The following PPP1R14C variants were observed in gnomAD, a reference collection of about 807,000 sequenced individuals.
The protein encoded by PPP1R14C is protein phosphatase 1 regulatory subunit 14C.
Under a neutral mutation model 20.4 loss-of-function variants are expected in PPP1R14C, and 16 were observed. The observed-to-expected ratio is 0.78, with a 90% CI of 0.53 to 1.19. The LOEUF is 1.19. Ranked by LOEUF, PPP1R14C falls within the 50% of genes most tolerant of loss-of-function variation. The pLI, the probability that PPP1R14C is intolerant of heterozygous loss-of-function variation, is 0.00. For missense variants in PPP1R14C, 211 were observed against 220.1 expected (o/e 0.96, Z 0.26); for synonymous variants, 91 against 91.0 (o/e 1.00, Z 0.00).
chr6:150,179,798 C>T (rs575247475), intron 1 of PPP1R14C, among the ~76,000 whole-genome samples: 59 of 152,314 alleles, frequency 3.9e-4, no homozygotes, highest in African/African-American at 1.3e-3. Context: ...AACTCTGCCA[C>T]ATTACTGACT....
chr6:150,173,118 T>C (rs1777517004), intron 1 of PPP1R14C, among the ~76,000 whole-genome samples: 1 of 152,164 alleles, frequency 6.6e-6, no homozygotes. Flanking sequence ...TCCTCCAATG[T>C]TGACATTTTC....
intron 1 of PPP1R14C, among the ~76,000 whole-genome samples, chr6:150,178,810 G>T (rs910447699): frequency 2.0e-5 from 3 of 152,150 alleles, no homozygotes; most frequent in African/African-American, 7.2e-5. Flanking sequence ...AAACATCTAG[G>T]TGTAGATTTT....
intron 1 of PPP1R14C, among the ~76,000 whole-genome samples, chr6:150,159,616 T>C (rs1343351638): frequency 1.7e-5 from 1 of 58,470 alleles, no homozygotes; most frequent in African/African-American, 8.2e-5. Flanking sequence ...TGCCAGGCAT[T>C]CTTTTTTTTT....
intron 1 of PPP1R14C, among the ~76,000 whole-genome samples, chr6:150,168,525 TC>T (rs201831006): frequency 0.01 from 959 of 92,828 alleles, 26 homozygotes; most frequent in Admixed American, 0.076. Flanking sequence ...AGAGCGAGAC[TC>T]CCGTCTCAAC....
At chr6:150,147,200 G>C (rs1379528504) in intron 1 of PPP1R14C, among the ~76,000 whole-genome samples, 2 of 145,686 alleles carry the variant, frequency 1.4e-5, no homozygotes, top group East Asian at 4.1e-4. Flanking sequence ...GTTTTTTTGA[G>C]ATGAAGTCTT....
intron 3 of PPP1R14C, among the ~76,000 whole-genome samples, chr6:150,242,708 T>C (rs1488385349): frequency 2.0e-5 from 3 of 152,208 alleles, no homozygotes; most frequent in African/African-American, 7.2e-5. Context: ...TTTTAGCCAG[T>C]ACAGTTAGGC....
At chr6:150,152,418 C>G (rs1380529237) in intron 1 of PPP1R14C, among the ~76,000 whole-genome samples, 1 of 152,154 alleles carries the variant, frequency 6.6e-6, no homozygotes, top group African/African-American at 2.4e-5. Flanking sequence ...TTCCGCACAG[C>G]CTTCAGGATA....
At chr6:150,202,040 A>C (rs1386303210) in intron 1 of PPP1R14C, among the ~76,000 whole-genome samples, 1 of 152,200 alleles carries the variant, frequency 6.6e-6, no homozygotes, top group Non-Finnish European at 1.5e-5. Flanking sequence ...GACTGGCCTC[A>C]TTCCCTAAGA....
intron 1 of PPP1R14C, among the ~76,000 whole-genome samples, chr6:150,190,328 TC>T (rs1445163679): frequency 1.3e-5 from 2 of 151,844 alleles, no homozygotes; most frequent in African/African-American, 4.8e-5. Flanking sequence ...CCCACTTTTC[TC>T]CACGGCACTT....
chr6:150,175,129 A>G (rs891035468), intron 1 of PPP1R14C, among the ~76,000 whole-genome samples: 3 of 152,186 alleles, frequency 2.0e-5, no homozygotes, highest in African/African-American at 7.2e-5. Context: ...TAGCTCACAT[A>G]GTGCTTATTA....
At position 150,144,115 on chromosome 6, in the gene PPP1R14C, G is replaced by A. The variant is rs1445710570; in HGVS notation, c.306+617G>A. ...CTGCATTATCAGAGCTGCACACGTT[G>A]TGCTTTGTTGAAGCCGTAGTTTTTC... On this transcript the variant is annotated intron_variant, in intron 1 of 3. Coordinates refer to ENST00000361131, the MANE Select transcript of PPP1R14C (RefSeq NM_030949.3). Among the ~76,000 whole-genome samples the A allele has an allele frequency of 3.3e-5, 5 of 152,234 alleles. 1 individual carries two copies. The highest frequency in any genetic ancestry group is 7.3e-5 in the Non-Finnish European group (5 of 68,042).
chr6:150,234,721 C>T (rs1294838340), intron 3 of PPP1R14C, among the ~76,000 whole-genome samples: 2 of 151,710 alleles, frequency 1.3e-5, no homozygotes, highest in African/African-American at 2.4e-5. Flanking sequence ...TGGTGGTGCA[C>T]ACCTGTAGTC....
At chr6:150,231,556 G>A (rs934459446) in intron 3 of PPP1R14C, among the ~76,000 whole-genome samples, 3 of 152,118 alleles carry the variant, frequency 2.0e-5, no homozygotes, top group Admixed American at 6.6e-5. Flanking sequence ...AGAGTTACAG[G>A]AATTAATCAG....
chr6:150,158,042 G>A (rs1048541972), intron 1 of PPP1R14C, among the ~76,000 whole-genome samples: 1 of 152,186 alleles, frequency 6.6e-6, no homozygotes, highest in Admixed American at 6.5e-5. Context: ...TGAGCAGGCT[G>A]CCCACTACCT....
intron 1 of PPP1R14C, among the ~76,000 whole-genome samples, chr6:150,165,654 T>C (rs1777414516): frequency 1.3e-5 from 2 of 152,244 alleles, no homozygotes; most frequent in Non-Finnish European, 2.9e-5. Context: ...AAACACTCAG[T>C]GCAAGGAGGG....
chr6:150,210,592 G>C (rs931773795), intron 1 of PPP1R14C, among the ~76,000 whole-genome samples: 2 of 152,198 alleles, frequency 1.3e-5, no homozygotes, highest in African/African-American at 4.8e-5. Flanking sequence ...AGTCTCTGCA[G>C]GACAAGGGGA....
chr6:150,241,359 C>T (rs1778429052), intron 3 of PPP1R14C, among the ~76,000 whole-genome samples: 1 of 152,182 alleles, frequency 6.6e-6, no homozygotes, highest in Admixed American at 6.5e-5. Context: ...TCCTTTATCA[C>T]ATCCTTTATT....
intron 1 of PPP1R14C, among the ~76,000 whole-genome samples, chr6:150,145,718 G>A (rs761261258): frequency 6.6e-6 from 1 of 152,172 alleles, no homozygotes; most frequent in Admixed American, 6.5e-5. Flanking sequence ...TCATGCATAC[G>A]AAGATTAGGA....
chr6:150,150,418 C>T (rs1427391211), intron 1 of PPP1R14C, among the ~76,000 whole-genome samples: 1 of 152,124 alleles, frequency 6.6e-6, no homozygotes, highest in East Asian at 1.9e-4. Context: ...TACACTAGTT[C>T]TGCCTGCTGT....
Sources: gnomAD v4.1 joint callset for allele counts (sites outside exome capture counted in the v4.1 genomes callset) on GRCh38, gnomAD v4.1.1 for gene constraint, MANE v1.5 for transcripts, NCBI Gene and HGNC (gene_info 2026-07-23, HGNC 2026-07-21) for gene names.